ATP6V1C2: variants seen among roughly 807,000 people sequenced by gnomAD.
The protein encoded by ATP6V1C2 is V-type proton ATPase subunit C 2.
Under a neutral mutation model 56.8 loss-of-function variants are expected in ATP6V1C2, and 45 were observed. The observed-to-expected ratio is 0.79, with a 90% CI of 0.62 to 1.02. The LOEUF is 1.02. Ranked by LOEUF, ATP6V1C2 falls within the 50% of genes least tolerant of loss-of-function variation. The pLI, the probability that ATP6V1C2 is intolerant of heterozygous loss-of-function variation, is 0.00. For synonymous variants in ATP6V1C2, 220 were observed against 201.3 expected, an observed-to-expected ratio of 1.09 and a Z score of -0.79; for missense variants, 463 against 519.7, an observed-to-expected ratio of 0.89 and a Z score of 1.06.
At chr2:10,779,807 A>C (rs1198324459) in intron 12 of ATP6V1C2, among the ~76,000 whole-genome samples, 1 of 151,944 alleles carries the variant, frequency 6.6e-6, no homozygotes, top group Non-Finnish European at 1.5e-5. Context: ...CCAGCGTCCC[A>C]GTGGGTGCCC....
rs114440687 is a variant in ATP6V1C2 at position 10,752,199 on chromosome 2, A to G, written c.198-1782A>G. On this transcript the variant is annotated intron_variant, in intron 3 of 13. Coordinates refer to ENST00000272238, the MANE Select transcript of ATP6V1C2 (RefSeq NM_001039362.2). ...TATGGTTGTTCAATTTTTGTTAACT[A>G]CTTTATACTTGTATTTTTCCATTCT... Among the ~76,000 whole-genome samples, 274 of 152,202 alleles carry G rather than the reference A, an allele frequency of 1.8e-3. 2 individuals carry two copies. The highest frequency in any genetic ancestry group is 6.4e-3 in the African/African-American group (264 of 41,520).
At chr2:10,749,918 T>C (rs1241621730) in intron 3 of ATP6V1C2, among the ~76,000 whole-genome samples, 1 of 152,160 alleles carries the variant, frequency 6.6e-6, no homozygotes, top group Non-Finnish European at 1.5e-5. Flanking sequence ...TACAGTACAG[T>C]AAATGAAAGG....
rs1665600352 is a variant in ATP6V1C2, at chr2:10,784,432, A to G, written c.*1169A>G. 6.1e-6 allele frequency: 5 copies of G among 825,272 alleles called. No individual in the cohort carries two copies. In the South Asian group the frequency reaches 8.8e-5, roughly 15 times the overall value. The allele number at this position is 825,272 out of a possible 1,614,324, so 51.1% of individuals were successfully genotyped here. On this transcript the variant is annotated 3_prime_UTR_variant, in exon 14 of 14. Transcript: ENST00000272238. ...GACTCTCTGGAGCTACTCCTGCTAC[A>G]ATCCAGGTTCTCCTCAGTCTGACTC...
intron 3 of ATP6V1C2, among the ~76,000 whole-genome samples, chr2:10,728,219 CTA>C (rs1558384861): frequency 6.6e-6 from 1 of 152,050 alleles, no homozygotes; most frequent in Non-Finnish European, 1.5e-5. Flanking sequence ...TTATCTGAGA[CTA>C]TGGTCACATG....
chr2:10,772,605 A>G lies in ATP6V1C2; in HGVS notation c.633A>G (p.Ser211=). Reference sequence around the variant, plus strand: ...TCTCAGACATGGTGGTCCCTCGATCAACCAAGTAAGTGAGACCCCAGCTTG... The same window carrying G: ...TCTCAGACATGGTGGTCCCTCGATCGACCAAGTAAGTGAGACCCCAGCTTG... ...ESLSDMVVPR[S]TKLITEDKEG... The change falls in exon 8 of 14, where the codon TCA becomes TCG. Residue 211 remains serine, a synonymous_variant. Coordinates refer to ENST00000272238, the MANE Select transcript of ATP6V1C2 (RefSeq NM_001039362.2). The G allele has an allele frequency of 6.2e-7, 1 of 1,613,880 alleles. No homozygotes were observed.
chr2:10,742,057 G>A (rs13414065), intron 3 of ATP6V1C2, among the ~76,000 whole-genome samples: 3,554 of 152,090 alleles, frequency 0.023, 128 homozygotes, highest in African/African-American at 0.081. Context: ...TTACAGGCAC[G>A]CACCACCACA....
At position 10,737,525 on chromosome 2, in the gene ATP6V1C2, T is replaced by C. The variant is rs191877167; in HGVS notation, c.197+10956T>C. Among the ~76,000 whole-genome samples, 154 of 152,272 alleles carry C rather than the reference T, an allele frequency of 1.0e-3. 1 individual carries two copies. Among genetic ancestry groups the C allele is most frequent in the African/African-American group, 3.5e-3 (145 of 41,554 alleles). On this transcript the variant is annotated intron_variant, in intron 3 of 13. Transcript: ENST00000272238. ...CTAATATATTGCCTATTTTTCTAAG[T>C]GTTTCATGGGTGTCTGAAATGGGTG... is the stretch of plus-strand genomic sequence containing the variant.
chr2:10,729,863 A>G (rs1182932392), intron 3 of ATP6V1C2, among the ~76,000 whole-genome samples: 1 of 152,134 alleles, frequency 6.6e-6, no homozygotes, highest in East Asian at 1.9e-4. Flanking sequence ...TGTGGGGTAG[A>G]TGAGGGCAGC....
At chr2:10,735,527 T>C (rs1267348916) in intron 3 of ATP6V1C2, among the ~76,000 whole-genome samples, 7 of 152,160 alleles carry the variant, frequency 4.6e-5, no homozygotes, top group African/African-American at 1.7e-4. Context: ...TGCACAGCTT[T>C]GGGCTGGAGC....
At chr2:10,743,275 T>A (rs1572530641) in intron 3 of ATP6V1C2, among the ~76,000 whole-genome samples, 1 of 151,656 alleles carries the variant, frequency 6.6e-6, no homozygotes, top group African/African-American at 2.4e-5. Flanking sequence ...ATATATATAT[T>A]TATTTATTTG....
rs1019971944 is a variant in ATP6V1C2, at chr2:10,777,713, C to T, written c.954C>T (p.Gly318=). Residue 318 remains glycine, a synonymous_variant, in exon 11 of 14, where the codon GGC becomes GGT. Transcript: ENST00000272238. ...CCGACAGAGAGAGAGAGAGTGAGGGCGAGGGTGAGGTAAGCAACGCCCCGG... is the reference window on the plus strand; with the variant it reads ...CCGACAGAGAGAGAGAGAGTGAGGGTGAGGGTGAGGTAAGCAACGCCCCGG... ...GQTDRERESE[G]EGEGPLLRWL... is the part of the protein sequence containing the mutation. 61 of 1,611,526 alleles carry T rather than the reference C, an allele frequency of 3.8e-5. No homozygotes were observed. Among genetic ancestry groups the T allele is most frequent in the Middle Eastern group, 1.7e-4 (1 of 6,056 alleles).
intron 3 of ATP6V1C2, among the ~76,000 whole-genome samples, chr2:10,741,251 TG>T (rs1412587981): frequency 1.3e-5 from 2 of 152,224 alleles, no homozygotes; most frequent in East Asian, 3.8e-4. Context: ...AGCCTCCTAG[TG>T]AGCCTCACTG....
rs60750436 is a variant in ATP6V1C2 at position 10,776,266 on chromosome 2, CGTGTGTGT to C, written c.825+1203_825+1210del. Reference sequence around the variant, plus strand: ...CGAAATAGCACAGGGCGCTCACACACGTGTGTGTGTGTGTGCGCGCGCACGTGCATGTA... The same window carrying C: ...CGAAATAGCACAGGGCGCTCACACACGTGTGTGCGCGCGCACGTGCATGTA... On this transcript the variant is annotated intron_variant, in intron 10 of 13. Transcript: ENST00000272238. 2.6e-5 allele frequency among the ~76,000 whole-genome samples: 4 copies of C among 151,138 alleles called. No individual in the cohort carries two copies. In the South Asian group the frequency reaches 6.3e-4, roughly 24 times the overall value.
chr2:10,779,542 C>A (rs142259249), intron 12 of ATP6V1C2, among the ~76,000 whole-genome samples: 2 of 150,074 alleles, frequency 1.3e-5, no homozygotes, highest in Non-Finnish European at 3.0e-5. Context: ...AAAAATTAGC[C>A]GGGTGTGGTG....
chr2:10,780,085 GC>G lies in ATP6V1C2; in HGVS notation c.1061+1417del, dbSNP rs1665258199. On this transcript the variant is annotated intron_variant, in intron 12 of 13. Transcript: ENST00000272238. This position sits in a 1 kb window ranked among gnomAD's most constrained non-coding sequence, Gnocchi z 4.1. ...CTCATCCCTCCCTGCCGTCCCCCTGGCTGATGTCCCCTACTTTCCCTCGTTT... is the reference window on the plus strand; with the variant it reads ...CTCATCCCTCCCTGCCGTCCCCCTGGTGATGTCCCCTACTTTCCCTCGTTT... Among the ~76,000 whole-genome samples, 1 of 152,154 alleles carries G rather than the reference GC, an allele frequency of 6.6e-6. No individual in the cohort carries two copies. The highest frequency in any genetic ancestry group is 1.9e-4 in the East Asian group (1 of 5,154).
Position 10,784,824 on chromosome 2 carries a change from A to G in ATP6V1C2, c.*1561A>G. ...AACCTCTTAAAAGGCCCACGGGTGC[A>G]CCAGGGCTGAGGTCTGATGGGAAGG... is the stretch of plus-strand genomic sequence containing the variant. On this transcript the variant is annotated 3_prime_UTR_variant, in exon 14 of 14. Transcript: ENST00000272238. 1.3e-6 allele frequency: 1 copy of G among 760,226 alleles called. No homozygotes were observed. Among genetic ancestry groups the G allele is most frequent in the Non-Finnish European group, 2.2e-6 (1 of 450,180 alleles). The allele number at this position is 760,226 out of a possible 1,614,324, so 47.1% of individuals were successfully genotyped here.
chr2:10,772,530 A>C lies in ATP6V1C2; in HGVS notation c.570-12A>C, dbSNP rs750668419. The C allele has an allele frequency of 4.3e-6, 7 of 1,611,676 alleles. No homozygotes were observed. In the East Asian group the frequency reaches 1.3e-4, roughly 31 times the overall value. ...CTGCAAAAAATCACGTAACGATTCT[A>C]TGTTCTTGCAGACCAAACTACTCAC... On this transcript the variant is annotated splice_polypyrimidine_tract_variant and intron_variant, in intron 7 of 13. Coordinates refer to ENST00000272238, the MANE Select transcript of ATP6V1C2 (RefSeq NM_001039362.2).
chr2:10,751,639 G>A (rs963118237), intron 3 of ATP6V1C2, among the ~76,000 whole-genome samples: 4 of 152,114 alleles, frequency 2.6e-5, no homozygotes, highest in African/African-American at 9.7e-5. Context: ...CATAACGACT[G>A]GATGGTTGGA....
intron 3 of ATP6V1C2, among the ~76,000 whole-genome samples, chr2:10,736,801 C>CTTTTTTTT (rs35166388): frequency 1.9e-5 from 2 of 102,654 alleles, no homozygotes; most frequent in Non-Finnish European, 2.1e-5. Context: ...AGATATTGTG[C>CTTTTTTTT]TTTTTTTTTT....
Sources: allele counts gnomAD v4.1 joint callset (sites outside exome capture counted in the v4.1 genomes callset), GRCh38; gene constraint gnomAD v4.1.1; non-coding constraint Gnocchi (gnomAD v3.1); transcripts MANE v1.5; gene names NCBI Gene and HGNC (gene_info 2026-07-23, HGNC 2026-07-21).